The following CSMD1 variants were observed in gnomAD, a reference collection of about 807,000 sequenced individuals.
CSMD1 encodes CUB and sushi domain-containing protein 1.
CSMD1 carries 213 observed loss-of-function variants against 417.5 expected under a neutral mutation model. The ratio of observed to expected loss-of-function variants is 0.51; its 90% CI spans 0.46 to 0.57. The LOEUF (loss-of-function observed/expected upper bound fraction) is 0.57, where lower values mean the gene tolerates loss of function less well. Among genes scored for constraint, CSMD1 ranks in the 20% least tolerant of loss-of-function variants. The probability of loss-of-function intolerance (pLI) is 0.00; values close to 1 mark genes in which losing one functional copy is unlikely to be tolerated. For missense variants in CSMD1, 6,923 were observed against 4,529.7 expected (o/e 1.53, Z -15.17); for synonymous variants, 2,862 against 1,736.8 (o/e 1.65, Z -16.11).
intron 1 of CSMD1, among the ~76,000 whole-genome samples, chr8:4,770,771 G>T (rs994214076): frequency 2.6e-5 from 4 of 152,074 alleles, no homozygotes; most frequent in African/African-American, 9.7e-5. Context: ...GCAAAAGAAT[G>T]AAATTGGACC....
At chr8:3,317,254 T>A (rs981249659) in intron 23 of CSMD1, among the ~76,000 whole-genome samples, 1 of 152,210 alleles carries the variant, frequency 6.6e-6, no homozygotes, top group East Asian at 1.9e-4. Flanking sequence ...ACACCTGTTA[T>A]GAAATAATTA....
intron 3 of CSMD1, among the ~76,000 whole-genome samples, chr8:4,336,184 G>C (rs776964192): frequency 6.6e-6 from 1 of 152,110 alleles, no homozygotes; most frequent in Admixed American, 6.6e-5. Flanking sequence ...TGCGGTCAGC[G>C]CTGGTTGACT....
intron 2 of CSMD1, among the ~76,000 whole-genome samples, chr8:4,551,944 C>A (rs1325639938): frequency 6.6e-6 from 1 of 151,802 alleles, no homozygotes; most frequent in Non-Finnish European, 1.5e-5. Context: ...ACCTTGACCT[C>A]CCAAAATGCT....
intron 6 of CSMD1, among the ~76,000 whole-genome samples, chr8:3,720,321 G>C (rs972034755): frequency 6.6e-6 from 1 of 152,140 alleles, no homozygotes; most frequent in African/African-American, 2.4e-5. Flanking sequence ...GGAGAGAGAG[G>C]AGAAGCTACT....
At chr8:3,207,041 T>C (rs918826664) in intron 30 of CSMD1, among the ~76,000 whole-genome samples, 3 of 152,100 alleles carry the variant, frequency 2.0e-5, no homozygotes, top group Non-Finnish European at 4.4e-5. Context: ...CTATCTTGGA[T>C]ATACCGCCAC....
intron 1 of CSMD1, among the ~76,000 whole-genome samples, chr8:4,748,134 C>A (rs554658584): frequency 2.0e-5 from 3 of 152,152 alleles, no homozygotes; most frequent in African/African-American, 7.2e-5. Flanking sequence ...ATGCTACCAA[C>A]CAACTCACAG....
intron 1 of CSMD1, among the ~76,000 whole-genome samples, chr8:4,655,733 A>T (rs1298293031): frequency 6.6e-6 from 1 of 152,154 alleles, no homozygotes; most frequent in African/African-American, 2.4e-5. Context: ...TGTTCATAAG[A>T]AATGCCCAAC....
intron 1 of CSMD1, among the ~76,000 whole-genome samples, chr8:4,861,607 C>G (rs1001021196): frequency 6.6e-6 from 1 of 152,092 alleles, no homozygotes; most frequent in Non-Finnish European, 1.5e-5. Flanking sequence ...TGAACAGAGG[C>G]TGTGGATAAT....
chr8:4,505,582 CTTAAT>C (rs1303074963), intron 2 of CSMD1, among the ~76,000 whole-genome samples: 2 of 152,074 alleles, frequency 1.3e-5, no homozygotes, highest in Non-Finnish European at 2.9e-5. Flanking sequence ...GGATTTCTTA[CTTAAT>C]AACTTAGCCT....
intron 5 of CSMD1, among the ~76,000 whole-genome samples, chr8:3,813,485 T>A (rs550326127): frequency 6.6e-6 from 1 of 152,184 alleles, no homozygotes; most frequent in Non-Finnish European, 1.5e-5. Flanking sequence ...TTTGGACTTT[T>A]ATGTGCATTA....
At chr8:3,547,701 C>T (rs886980703) in intron 10 of CSMD1, among the ~76,000 whole-genome samples, 1 of 151,982 alleles carries the variant, frequency 6.6e-6, no homozygotes, top group African/African-American at 2.4e-5. Context: ...ATCTACTAAG[C>T]CTACCTATAT....
chr8:3,667,864 A>C (rs1798784286), intron 7 of CSMD1, among the ~76,000 whole-genome samples: 1 of 152,306 alleles, frequency 6.6e-6, no homozygotes, highest in East Asian at 1.9e-4. Context: ...ATCGTGAAAT[A>C]GCAGTGAGTA....
At chr8:4,312,417 ATATGCG>A (rs1798671944) in intron 3 of CSMD1, among the ~76,000 whole-genome samples, 1 of 109,026 alleles carries the variant, frequency 9.2e-6, no homozygotes, top group Non-Finnish European at 1.7e-5. Flanking sequence ...GCGTGTATAT[ATATGCG>A]CGTATATATA....
At chr8:4,775,697 C>T (rs746261205) in intron 1 of CSMD1, among the ~76,000 whole-genome samples, 5 of 152,144 alleles carry the variant, frequency 3.3e-5, no homozygotes, top group Non-Finnish European at 7.3e-5. Context: ...ACCAAGGCAG[C>T]GTCTGTCATG....
chr8:3,892,367 T>C (rs1249171417), intron 5 of CSMD1, among the ~76,000 whole-genome samples: 2 of 152,130 alleles, frequency 1.3e-5, no homozygotes, highest in South Asian at 4.1e-4. Flanking sequence ...GAACGTATTA[T>C]GCTTTCTATG....
At chr8:4,159,489 G>A (rs551045003) in intron 3 of CSMD1, among the ~76,000 whole-genome samples, 7 of 152,260 alleles carry the variant, frequency 4.6e-5, no homozygotes, top group South Asian at 4.2e-4. Context: ...CAATCAACGA[G>A]TGGATAAAGA....
intron 5 of CSMD1, among the ~76,000 whole-genome samples, chr8:3,936,605 A>T (rs558453384): frequency 6.6e-6 from 1 of 152,270 alleles, no homozygotes; most frequent in East Asian, 1.9e-4. Context: ...TGAATATTTT[A>T]AGGCCACTGT....
intron 5 of CSMD1, among the ~76,000 whole-genome samples, chr8:3,762,088 C>T (rs997253825): frequency 1.2e-4 from 19 of 152,112 alleles, no homozygotes; most frequent in Admixed American, 6.5e-5. Context: ...GTCTCCTGAG[C>T]CCTCCCACTC....
intron 6 of CSMD1, among the ~76,000 whole-genome samples, chr8:3,713,538 C>G (rs1801648798): frequency 6.6e-6 from 1 of 152,104 alleles, no homozygotes; most frequent in South Asian, 2.1e-4. Context: ...CATCTGCCTT[C>G]CTCAAGATCC....
Sources: allele counts gnomAD v4.1 joint callset (sites outside exome capture counted in the v4.1 genomes callset), GRCh38; gene constraint gnomAD v4.1.1; transcripts MANE v1.5; gene names NCBI Gene and HGNC (gene_info 2026-07-23, HGNC 2026-07-21).